SORCS1: variants seen among roughly 807,000 people sequenced by gnomAD.
The protein encoded by SORCS1 is VPS10 domain-containing receptor SorCS1.
Under a neutral mutation model 146.1 loss-of-function variants are expected in SORCS1, and 60 were observed. The ratio of observed to expected loss-of-function variants is 0.41; its 90% CI spans 0.33 to 0.51. SORCS1 has a LOEUF of 0.51. SORCS1 is among the 20% of genes least tolerant of loss of function. The pLI, the probability that SORCS1 is intolerant of heterozygous loss-of-function variation, is 0.21. For missense variants in SORCS1, 1,352 were observed against 1,487.6 expected (o/e 0.91, Z 1.50); for synonymous variants, 637 against 584.0 (o/e 1.09, Z -1.31).
At chr10:106,611,619 A>G (rs1846994362) in intron 22 of SORCS1, among the ~76,000 whole-genome samples, 1 of 152,204 alleles carries the variant, frequency 6.6e-6, no homozygotes, top group Non-Finnish European at 1.5e-5. Context: ...AAATGTGGAC[A>G]AAGGAGTTTA....
chr10:106,998,368 T>C (rs1449814907), intron 1 of SORCS1, among the ~76,000 whole-genome samples: 7 of 152,224 alleles, frequency 4.6e-5, no homozygotes. Context: ...TCATGAGGAC[T>C]CCCAACCTCT....
intron 1 of SORCS1, among the ~76,000 whole-genome samples, chr10:107,087,551 T>C (rs895923766): frequency 2.0e-5 from 3 of 152,244 alleles, no homozygotes; most frequent in Non-Finnish European, 4.4e-5. Flanking sequence ...TGAGTCATTG[T>C]AAAGACTGAA....
chr10:106,994,699 T>G (rs540039786), intron 1 of SORCS1, among the ~76,000 whole-genome samples: 1 of 152,326 alleles, frequency 6.6e-6, no homozygotes, highest in East Asian at 1.9e-4. Context: ...TATTTAGCAT[T>G]ACTTGAATGT....
At chr10:106,763,598 T>C (rs996962551) in intron 4 of SORCS1, among the ~76,000 whole-genome samples, 1 of 152,228 alleles carries the variant, frequency 6.6e-6, no homozygotes, top group African/African-American at 2.4e-5. Flanking sequence ...GGCTGCCCAC[T>C]CTGGCAGAAG....
intron 18 of SORCS1, among the ~76,000 whole-genome samples, chr10:106,638,008 T>G (rs923776424): frequency 2.0e-5 from 3 of 152,188 alleles, no homozygotes; most frequent in African/African-American, 7.2e-5. Flanking sequence ...AAGCAGATAA[T>G]GACTATGAGC....
intron 1 of SORCS1, among the ~76,000 whole-genome samples, chr10:107,132,707 CCATT>C (rs1200966108): frequency 6.6e-6 from 1 of 152,174 alleles, no homozygotes. Flanking sequence ...GTGCCTAGTT[CCATT>C]CAAACAATCG....
chr10:107,011,626 T>C (rs1957699308), intron 1 of SORCS1, among the ~76,000 whole-genome samples: 1 of 152,216 alleles, frequency 6.6e-6, no homozygotes, highest in South Asian at 2.1e-4. Flanking sequence ...CTGGACAAGT[T>C]ACCTCTTGCA....
chr10:107,137,067 G>C (rs567228419), intron 1 of SORCS1, among the ~76,000 whole-genome samples: 2 of 152,264 alleles, frequency 1.3e-5, no homozygotes, highest in East Asian at 3.9e-4. Flanking sequence ...TGGTCGTAAG[G>C]CTCCCCATGG....
intron 1 of SORCS1, among the ~76,000 whole-genome samples, chr10:106,988,666 GT>G (rs1956601806): frequency 6.6e-6 from 1 of 152,074 alleles, no homozygotes; most frequent in Non-Finnish European, 1.5e-5. Flanking sequence ...AATTGGCAGA[GT>G]AGGAAAAATG....
Position 106,894,314 on chromosome 10 carries a change from G to C in SORCS1, c.626+62199C>G, listed in dbSNP as rs114714162. Among the ~76,000 whole-genome samples the C allele has an allele frequency of 4.7e-3, 707 of 149,944 alleles. 7 individuals are homozygous for C. The highest frequency in any genetic ancestry group is 0.016 in the African/African-American group (641 of 40,768). On this transcript the variant is annotated intron_variant, in intron 2 of 25. Transcript: ENST00000263054. The stretch of plus-strand genomic sequence containing the variant: ...GTGTGTGTGTGTGTGTGTGTAGGGA[G>C]AATAGAAAGGCCTCTGTGGTGCAGA...
rs184235279 is a variant in SORCS1 at position 106,855,308 on chromosome 10, G to A, written c.627-25635C>T. Among the ~76,000 whole-genome samples the A allele has an allele frequency of 8.5e-5, 13 of 152,078 alleles. No homozygotes were observed. In the East Asian group the frequency reaches 1.7e-3, roughly 20 times the overall value. ...TTAAAAAAGTTTTTTTTAAATCTTT[G>A]ATTATCTGAATTTTGAATATGATAT... On this transcript the variant is annotated intron_variant, in intron 2 of 25. Coordinates refer to ENST00000263054, the MANE Select transcript of SORCS1 (RefSeq NM_052918.5).
At chr10:106,849,250 C>T (rs1410588305) in intron 2 of SORCS1, among the ~76,000 whole-genome samples, 1 of 151,006 alleles carries the variant, frequency 6.6e-6, no homozygotes, top group African/African-American at 2.4e-5. Context: ...GGTCTTTTCA[C>T]ATAGTCCCAT....
At chr10:107,087,776 G>A (rs1406084298) in intron 1 of SORCS1, among the ~76,000 whole-genome samples, 2 of 152,218 alleles carry the variant, frequency 1.3e-5, no homozygotes, top group Non-Finnish European at 2.9e-5. Flanking sequence ...AATAGCCGAG[G>A]AGGGAAAATA....
chr10:106,740,756 G>A (rs1425606370), intron 5 of SORCS1, among the ~76,000 whole-genome samples: 1 of 152,142 alleles, frequency 6.6e-6, no homozygotes, highest in East Asian at 1.9e-4. Flanking sequence ...CAACAACTTG[G>A]GTGAAAATAC....
chr10:106,747,343 C>T (rs1239546078), intron 5 of SORCS1, among the ~76,000 whole-genome samples: 1 of 152,216 alleles, frequency 6.6e-6, no homozygotes, highest in Non-Finnish European at 1.5e-5. Flanking sequence ...AAGTTCCATT[C>T]CCAAACCAAA....
chr10:106,897,563 C>T (rs934669140), intron 2 of SORCS1, among the ~76,000 whole-genome samples: 2 of 152,136 alleles, frequency 1.3e-5, no homozygotes, highest in African/African-American at 4.8e-5. Context: ...GTTTTTCCAA[C>T]ACCTCCATAC....
intron 1 of SORCS1, among the ~76,000 whole-genome samples, chr10:107,027,043 T>TAAA (rs1958438591): frequency 6.8e-6 from 1 of 147,014 alleles, no homozygotes; most frequent in Non-Finnish European, 1.5e-5. Context: ...TAAAAATATA[T>TAAA]ATATAAATAT....
chr10:106,667,865 C>T (rs1851286281), intron 16 of SORCS1, 63 bp from the exon 17 acceptor site: 23 of 1,126,682 alleles, frequency 2.0e-5, no homozygotes, highest in Non-Finnish European at 3.0e-5. Context: ...AACAATTCTA[C>T]ATCAGTCCAC....
chr10:106,770,609 A>G (rs1281283703), intron 4 of SORCS1, among the ~76,000 whole-genome samples: 3 of 152,218 alleles, frequency 2.0e-5, no homozygotes, highest in African/African-American at 7.2e-5. Context: ...TATTTGTCCT[A>G]TGCAGTGCTT....
Sources: gnomAD v4.1 joint callset for allele counts (sites outside exome capture counted in the v4.1 genomes callset) on GRCh38, gnomAD v4.1.1 for gene constraint, MANE v1.5 for transcripts, NCBI Gene and HGNC (gene_info 2026-07-23, HGNC 2026-07-21) for gene names.